Variants in FGF13 observed in about 807,000 individuals in gnomAD.
The protein encoded by FGF13 is fibroblast growth factor homologous factor 2.
Under a neutral mutation model 19.5 loss-of-function variants are expected in FGF13, and 2 were observed. The ratio of observed to expected loss-of-function variants is 0.10; its 90% CI spans 0.04 to 0.32. FGF13 has a LOEUF of 0.32. FGF13 is among the 10% of genes least tolerant of loss of function. FGF13 has a pLI of 1.00. For missense variants in FGF13, 113 were observed against 192.7 expected (o/e 0.59, Z 2.45); for synonymous variants, 72 against 76.9 (o/e 0.94, Z 0.33).
rs1184628088 is a variant in FGF13, at chrX:138,961,920, G to T, written c.-112-97270C>A. ...AAGAAAACCTAGGCATTACCATTCAGGACATAGGCATGGGCAAGGACTTCA... is the reference window on the plus strand; with the variant it reads ...AAGAAAACCTAGGCATTACCATTCATGACATAGGCATGGGCAAGGACTTCA... On this transcript the variant is annotated intron_variant, in intron 1 of 2. Coordinates refer to the FGF13 transcript ENST00000421460. Among the ~76,000 whole-genome samples, 3 of 111,561 alleles carry T rather than the reference G, an allele frequency of 2.7e-5. No homozygotes were observed. In the East Asian group the frequency reaches 8.4e-4, roughly 31 times the overall value.
At chrX:138,868,781 A>G (rs777239560) in intron 1 of FGF13, among the ~76,000 whole-genome samples, 1 of 109,835 alleles carries the variant, frequency 9.1e-6, no homozygotes, top group African/African-American at 3.3e-5. Flanking sequence ...TCCCCTTCAC[A>G]CTTTTATTTG....
chrX:138,805,746 T>C (rs749870883), intron 3 of FGF13, among the ~76,000 whole-genome samples: 1 of 112,263 alleles, frequency 8.9e-6, no homozygotes, highest in African/African-American at 3.2e-5. Flanking sequence ...TTTTTACACA[T>C]ACAATATATT....
intron 1 of FGF13, among the ~76,000 whole-genome samples, chrX:139,145,329 C>T (rs1408160954): frequency 9.0e-6 from 1 of 111,489 alleles, no homozygotes; most frequent in Non-Finnish European, 1.9e-5. Context: ...AACAAGTATA[C>T]TTTTGAGAGT....
intron 1 of FGF13, among the ~76,000 whole-genome samples, chrX:139,020,792 C>T (rs1405753711): frequency 9.0e-6 from 1 of 111,483 alleles, no homozygotes; most frequent in Admixed American, 9.6e-5. Flanking sequence ...TATTTTATTG[C>T]ATCCCAAGGT....
At chrX:138,947,642 C>T (rs1473404136) in intron 1 of FGF13, among the ~76,000 whole-genome samples, 1 of 111,311 alleles carries the variant, frequency 9.0e-6, no homozygotes, top group Non-Finnish European at 1.9e-5. Flanking sequence ...ACGAGGCTAA[C>T]GTCTCAGCTA....
intron 1 of FGF13, among the ~76,000 whole-genome samples, chrX:138,998,723 C>T (rs755696440): frequency 5.4e-5 from 6 of 111,266 alleles, no homozygotes; most frequent in African/African-American, 2.0e-4. Flanking sequence ...TAGACTCCCA[C>T]ACAATAATAA....
chrX:139,087,949 C>T (rs1222800564), intron 1 of FGF13, among the ~76,000 whole-genome samples: 1 of 112,071 alleles, frequency 8.9e-6, no homozygotes, highest in African/African-American at 3.2e-5. Context: ...TTGAACAGTA[C>T]AGTTGCCAGT....
intron 1 of FGF13, among the ~76,000 whole-genome samples, chrX:139,003,538 GT>G (rs1314794458): frequency 1.8e-5 from 2 of 111,666 alleles, no homozygotes; most frequent in Non-Finnish European, 3.8e-5. Flanking sequence ...TGAGTGGCCT[GT>G]TTTAACAGGG....
chrX:138,776,447 A>G (rs1408141706), intron 3 of FGF13, among the ~76,000 whole-genome samples: 1 of 111,981 alleles, frequency 8.9e-6, no homozygotes, highest in Non-Finnish European at 1.9e-5. Context: ...ATTAACCATC[A>G]TAACGGTCCT....
chrX:139,099,393 AAAAAAGAAAG>A (rs2083492737), intron 1 of FGF13, among the ~76,000 whole-genome samples: 1 of 108,628 alleles, frequency 9.2e-6, no homozygotes, highest in African/African-American at 3.3e-5. Context: ...AAAAAAAAAA[AAAAAAGAAAG>A]AAAAGGAAAG....
intron 1 of FGF13, among the ~76,000 whole-genome samples, chrX:138,979,373 A>G (rs1337376175): frequency 9.0e-6 from 1 of 110,939 alleles, no homozygotes; most frequent in African/African-American, 3.3e-5. Flanking sequence ...ACAACAAAAT[A>G]AGGGAGGAGT....
intron 1 of FGF13, among the ~76,000 whole-genome samples, chrX:138,924,200 G>A (rs1006769235): frequency 4.5e-5 from 5 of 111,927 alleles, no homozygotes; most frequent in Non-Finnish European, 9.4e-5. Flanking sequence ...GTCCAAGGGG[G>A]TATGTTCACT....
chrX:139,079,261 G>T (rs2083353910), intron 1 of FGF13, among the ~76,000 whole-genome samples: 1 of 111,218 alleles, frequency 9.0e-6, no homozygotes, highest in African/African-American at 3.3e-5. Context: ...AATTTGTCAC[G>T]CCAAGCCTGA....
chrX:138,649,062 A>G (rs1447934733), intron 3 of FGF13, among the ~76,000 whole-genome samples: 1 of 111,768 alleles, frequency 8.9e-6, no homozygotes, highest in Non-Finnish European at 1.9e-5. Flanking sequence ...AAAACTTTAA[A>G]TGTCCACAAT....
chrX:138,971,169 T>C (rs1325545225), intron 1 of FGF13, among the ~76,000 whole-genome samples: 1 of 111,804 alleles, frequency 8.9e-6, no homozygotes, highest in Non-Finnish European at 1.9e-5. Context: ...CAAAAATAGA[T>C]TGAATTCCTG....
chrX:138,693,601 CAAAAAAGTT>C lies in FGF13; in HGVS notation c.402+9374_402+9382del, dbSNP rs2089861208. Among the ~76,000 whole-genome samples, 5 of 111,523 alleles carry C rather than the reference CAAAAAAGTT, an allele frequency of 4.5e-5. No individual in the cohort carries two copies. The Admixed American group carries it at 4.8e-4, about 11-fold the overall frequency. On this transcript the variant is annotated intron_variant, in intron 3 of 4. Coordinates refer to ENST00000315930, the MANE Select transcript of FGF13 (RefSeq NM_004114.5). ...AATCCCATAAAACTAAATGATTCATCAAAAAAGTTTATCAAATGTATACTACACACCAAA... is the reference window on the plus strand; with the variant it reads ...AATCCCATAAAACTAAATGATTCATCTATCAAATGTATACTACACACCAAA...
At chrX:138,858,133 G>A (rs1171424510) in intron 2 of FGF13, among the ~76,000 whole-genome samples, 2 of 111,812 alleles carry the variant, frequency 1.8e-5, no homozygotes, top group Non-Finnish European at 3.8e-5. Flanking sequence ...AGTATACACG[G>A]AGACAGACAG....
chrX:138,874,059 T>C (rs961901459), intron 1 of FGF13, among the ~76,000 whole-genome samples: 46 of 103,742 alleles, frequency 4.4e-4, no homozygotes, highest in East Asian at 9.2e-4. Context: ...ATGAAAATGA[T>C]GAGTTAATGG....
At chrX:138,878,518 A>C (rs1283943193) in intron 1 of FGF13, among the ~76,000 whole-genome samples, 1 of 108,188 alleles carries the variant, frequency 9.2e-6, no homozygotes, top group African/African-American at 3.4e-5. Context: ...TCCATGGTGT[A>C]TATGTGCCAC....
Sources: gnomAD v4.1 joint callset for allele counts (sites outside exome capture counted in the v4.1 genomes callset) on GRCh38, gnomAD v4.1.1 for gene constraint, MANE v1.5 for transcripts, NCBI Gene and HGNC (gene_info 2026-07-23, HGNC 2026-07-21) for gene names.